Variants in XIRP2 observed in about 807,000 individuals in gnomAD.
XIRP2 encodes xin actin-binding repeat-containing protein 2.
XIRP2 carries 236 observed loss-of-function variants against 277.0 expected under a neutral mutation model. That is an observed-to-expected ratio of 0.85 (90% CI 0.77 to 0.95). XIRP2 has a LOEUF of 0.95. XIRP2 is among the 40% of genes least tolerant of loss of function. The pLI is 0.00. For missense variants in XIRP2, 4,640 were observed against 4,157.5 expected (o/e 1.12, Z -3.19); for synonymous variants, 1,490 against 1,416.5 (o/e 1.05, Z -1.17).
At chr2:166,898,875 C>T (rs1280369466) in intron 1 of XIRP2, among the ~76,000 whole-genome samples, 2 of 152,122 alleles carry the variant, frequency 1.3e-5, no homozygotes, top group African/African-American at 2.4e-5. Flanking sequence ...GTACTTTTAT[C>T]GTATGTGACC....
intron 5 of XIRP2, among the ~76,000 whole-genome samples, chr2:167,236,571 C>G (rs527534164): frequency 1.3e-5 from 2 of 152,010 alleles, no homozygotes; most frequent in East Asian, 3.9e-4. Flanking sequence ...ATCTCTTTTT[C>G]TTTCCTTTAA....
intron 3 of XIRP2, among the ~76,000 whole-genome samples, chr2:167,138,747 T>A (rs950114693): frequency 2.6e-5 from 4 of 152,158 alleles, no homozygotes; most frequent in Non-Finnish European, 5.9e-5. Flanking sequence ...ATGATTTGAT[T>A]AATTGTATTA....
chr2:166,944,843 A>G (rs966672292), intron 2 of XIRP2, among the ~76,000 whole-genome samples: 1 of 152,150 alleles, frequency 6.6e-6, no homozygotes, highest in African/African-American at 2.4e-5. Flanking sequence ...GGCCACATCT[A>G]TTGACAGAGC....
In XIRP2 at chr2:167,259,252, G is replaced by A. The variant is rs1041519730; in HGVS notation, c.*1435G>A. ...ATGAAAACACAGGTTTTGATGCTCT[G>A]AGCCATGAATGTACAGCTAAGCCTT... On this transcript the variant is annotated 3_prime_UTR_variant, in exon 11 of 11. Transcript: ENST00000409195. The A allele has an allele frequency of 6.8e-6, 11 of 1,613,284 alleles. No individual in the cohort carries two copies. In the Admixed American group the frequency reaches 8.3e-5, roughly 12 times the overall value.
At chr2:167,256,664 A>T (rs1695666550) in intron 10 of XIRP2, among the ~76,000 whole-genome samples, 1 of 151,838 alleles carries the variant, frequency 6.6e-6, no homozygotes, top group Admixed American at 6.6e-5. Flanking sequence ...TTCATATATT[A>T]TTTACCTTGG....
At chr2:167,157,575 C>T (rs961514153) in intron 3 of XIRP2, among the ~76,000 whole-genome samples, 1 of 152,014 alleles carries the variant, frequency 6.6e-6, no homozygotes, top group African/African-American at 2.4e-5. Context: ...GATATACACA[C>T]CACACTCACA....
chr2:167,241,736 A>C (rs1695073725), intron 7 of XIRP2, 41 bp from the exon 8 acceptor site: 1 of 1,560,366 alleles, frequency 6.4e-7, no homozygotes, highest in Admixed American at 2.0e-5. Flanking sequence ...CATAATTTTT[A>C]GTAATTACAT....
intron 2 of XIRP2, among the ~76,000 whole-genome samples, chr2:166,987,916 AG>A (rs1687050185): frequency 6.6e-6 from 1 of 152,230 alleles, no homozygotes; most frequent in South Asian, 2.1e-4. Context: ...CATAACAAAT[AG>A]GAAGGCATGC....
At chr2:166,919,093 G>A (rs1239765193) in intron 2 of XIRP2, among the ~76,000 whole-genome samples, 3 of 152,112 alleles carry the variant, frequency 2.0e-5, no homozygotes, top group Non-Finnish European at 4.4e-5. Flanking sequence ...TGGAGATCAA[G>A]CAAACTGCAG....
Position 167,116,945 on chromosome 2 carries a change from T to G in XIRP2, c.409-18964T>G, listed in dbSNP as rs531967457. Among the ~76,000 whole-genome samples, 28 of 152,286 alleles carry G rather than the reference T, an allele frequency of 1.8e-4. No individual in the cohort carries two copies. The South Asian group carries it at 5.6e-3, about 30-fold the overall frequency. ...TCTAAGAAAATGGATAAGTGTCCTT[T>G]GCTTATGAGAAATATGGTTTCATGT... On this transcript the variant is annotated intron_variant, in intron 2 of 10. Transcript: ENST00000409195.
chr2:167,176,574 TG>T (rs1692853677), intron 3 of XIRP2, among the ~76,000 whole-genome samples: 1 of 152,194 alleles, frequency 6.6e-6, no homozygotes, highest in Non-Finnish European at 1.5e-5. Context: ...TTGCTTCCTT[TG>T]GGGCTTCATG....
intron 1 of XIRP2, among the ~76,000 whole-genome samples, chr2:166,897,008 A>T (rs192727537): frequency 2.6e-5 from 4 of 152,288 alleles, no homozygotes; most frequent in African/African-American, 9.6e-5. Flanking sequence ...GATGTGTAGT[A>T]AGCTATACCC....
intron 3 of XIRP2, among the ~76,000 whole-genome samples, chr2:167,167,355 T>G (rs1180008777): frequency 6.6e-6 from 1 of 152,204 alleles, no homozygotes; most frequent in African/African-American, 2.4e-5. Flanking sequence ...ATAGTTAGAT[T>G]AATATTTTTC....
intron 2 of XIRP2, among the ~76,000 whole-genome samples, chr2:167,111,308 G>A (rs1013420635): frequency 2.0e-5 from 3 of 152,140 alleles, no homozygotes; most frequent in African/African-American, 7.2e-5. Flanking sequence ...TGGGCCATAG[G>A]TTTGTCATAG....
intron 2 of XIRP2, among the ~76,000 whole-genome samples, chr2:166,987,001 T>C (rs1013878674): frequency 6.6e-6 from 1 of 152,206 alleles, no homozygotes; most frequent in African/African-American, 2.4e-5. Flanking sequence ...ACTGAATTAA[T>C]AGTCTGTCTC....
At chr2:167,115,549 G>T (rs1380901799) in intron 2 of XIRP2, among the ~76,000 whole-genome samples, 1 of 152,140 alleles carries the variant, frequency 6.6e-6, no homozygotes, top group Non-Finnish European at 1.5e-5. Flanking sequence ...CTTTGATGCT[G>T]TTGGGGGTTT....
At chr2:167,144,482 A>T (rs941082954) in intron 3 of XIRP2, among the ~76,000 whole-genome samples, 1 of 152,008 alleles carries the variant, frequency 6.6e-6, no homozygotes, top group African/African-American at 2.4e-5. Context: ...TTTTTTGAAG[A>T]TCATCTTTAA....
chr2:167,230,415 G>T (rs191016026), intron 5 of XIRP2, among the ~76,000 whole-genome samples: 2 of 151,880 alleles, frequency 1.3e-5, no homozygotes, highest in Admixed American at 1.3e-4. Flanking sequence ...TTTCTTCCCT[G>T]AATTCCTTTT....
intron 2 of XIRP2, among the ~76,000 whole-genome samples, chr2:167,100,026 CACA>C (rs924981737): frequency 1.3e-5 from 2 of 151,956 alleles, no homozygotes; most frequent in African/African-American, 2.4e-5. Context: ...ATTTATTCCT[CACA>C]ACGACACTGA....
Sources: allele counts gnomAD v4.1 joint callset (sites outside exome capture counted in the v4.1 genomes callset), GRCh38; gene constraint gnomAD v4.1.1; transcripts MANE v1.5; gene names NCBI Gene and HGNC (gene_info 2026-07-23, HGNC 2026-07-21).